Variants in PTPRR observed in about 807,000 individuals in gnomAD.
PTPRR encodes receptor-type tyrosine-protein phosphatase R.
PTPRR carries 38 observed loss-of-function variants against 77.2 expected under a neutral mutation model. The observed-to-expected ratio is 0.49, with a 90% confidence interval of 0.38 to 0.65. PTPRR has a LOEUF of 0.65. PTPRR is among the 30% of genes least tolerant of loss of function. The pLI is 0.00. For missense variants in PTPRR, 744 were observed against 799.2 expected (o/e 0.93, Z 0.83); for synonymous variants, 299 against 283.1 (o/e 1.06, Z -0.57).
intron 1 of PTPRR, among the ~76,000 whole-genome samples, chr12:70,893,887 G>A (rs988899791): frequency 6.6e-6 from 1 of 151,806 alleles, no homozygotes. Context: ...AAGTATCTTT[G>A]TTAGAGCAAT....
In PTPRR at chr12:70,711,367, A is replaced by G. The variant is rs564962185; in HGVS notation, c.1008-10044T>C. Among the ~76,000 whole-genome samples the G allele has an allele frequency of 2.0e-5, 3 of 152,278 alleles. No homozygotes were observed. The South Asian group carries it at 6.2e-4, about 32-fold the overall frequency. On this transcript the variant is annotated intron_variant, in intron 6 of 13. Coordinates refer to ENST00000283228, the MANE Select transcript of PTPRR (RefSeq NM_002849.4). ...AGAACACATGGATATGTAGAGGGGA[A>G]AAACACACACTGGAGCCTATTGGAG... is the stretch of plus-strand genomic sequence containing the variant.
intron 4 of PTPRR, among the ~76,000 whole-genome samples, chr12:70,758,130 A>G (rs1194687170): frequency 1.3e-5 from 2 of 152,222 alleles, no homozygotes; most frequent in Non-Finnish European, 2.9e-5. Context: ...CCTTCATGAT[A>G]TGCTCCTTAT....
chr12:70,914,497 G>C (rs1893746070), intron 1 of PTPRR, among the ~76,000 whole-genome samples: 1 of 152,198 alleles, frequency 6.6e-6, no homozygotes, highest in Non-Finnish European at 1.5e-5. Context: ...CATCTTATGA[G>C]AAGAGTTTGA....
intron 2 of PTPRR, among the ~76,000 whole-genome samples, chr12:70,867,373 A>C (rs1178605684): frequency 2.0e-5 from 3 of 151,984 alleles, no homozygotes; most frequent in South Asian, 4.1e-4. Flanking sequence ...TACAAAAATC[A>C]CAAGCATTCT....
At chr12:70,681,893 G>A (rs141458379) in intron 10 of PTPRR, among the ~76,000 whole-genome samples, 3,077 of 152,074 alleles carry the variant, frequency 0.02, 59 homozygotes, top group Admixed American at 0.038. Flanking sequence ...TTCACTTGGT[G>A]TTTCTTGATT....
intron 6 of PTPRR, among the ~76,000 whole-genome samples, chr12:70,729,085 G>A (rs1408692060): frequency 6.6e-6 from 1 of 151,838 alleles, no homozygotes; most frequent in East Asian, 1.9e-4. Context: ...CCTGGACCAG[G>A]GAGACTGAGA....
At chr12:70,652,855 TGGAA>T (rs1886445367) in intron 13 of PTPRR, among the ~76,000 whole-genome samples, 1 of 152,054 alleles carries the variant, frequency 6.6e-6, no homozygotes, top group Non-Finnish European at 1.5e-5. Context: ...GACTGGGAAG[TGGAA>T]CCCAAGGTGG....
chr12:70,796,886 C>T (rs577703008), intron 2 of PTPRR, among the ~76,000 whole-genome samples: 4 of 152,182 alleles, frequency 2.6e-5, no homozygotes, highest in East Asian at 1.9e-4. Context: ...GGCATGGTGG[C>T]GTGCACCTGT....
At chr12:70,823,466 T>C (rs1371033790) in intron 2 of PTPRR, among the ~76,000 whole-genome samples, 2 of 152,202 alleles carry the variant, frequency 1.3e-5, no homozygotes, top group African/African-American at 4.8e-5. Context: ...TGAAACAGTG[T>C]CAGAATTATC....
intron 10 of PTPRR, chr12:70,672,675 G>A: frequency 1.3e-6 from 2 of 1,546,138 alleles, no homozygotes; most frequent in Non-Finnish European, 1.8e-6. Flanking sequence ...ACCAGATGGT[G>A]GTCAAGACAG....
At chr12:70,884,746 C>A (rs1261599624) in intron 2 of PTPRR, among the ~76,000 whole-genome samples, 4 of 146,632 alleles carry the variant, frequency 2.7e-5, no homozygotes, top group Admixed American at 6.6e-5. Flanking sequence ...GTGGCGGGCG[C>A]CTGTAGTCCC....
chr12:70,708,845 C>T (rs914991884), intron 6 of PTPRR, among the ~76,000 whole-genome samples: 2 of 150,970 alleles, frequency 1.3e-5, no homozygotes, highest in Admixed American at 6.6e-5. Flanking sequence ...CACACACACA[C>T]GGCATTTTCT....
chr12:70,703,963 GAAAA>G (rs1220267598), intron 6 of PTPRR, among the ~76,000 whole-genome samples: 1 of 151,872 alleles, frequency 6.6e-6, no homozygotes, highest in African/African-American at 2.4e-5. Context: ...AATCTGGTAG[GAAAA>G]AAAGTGTAGG....
rs71437157 is a variant in PTPRR, at chr12:70,795,913, A to ATTTTTTTTTTTTTTTTTTTTTTTTTTTT, written c.358-31163_358-31136dup. On this transcript the variant is annotated intron_variant, in intron 2 of 13. Coordinates refer to ENST00000283228, the MANE Select transcript of PTPRR (RefSeq NM_002849.4). The stretch of plus-strand genomic sequence containing the variant: ...TATATGTTCAAAATGTATTTAGTAG[A>ATTTTTTTTTTTTTTTTTTTTTTTTTTTT]TTTTTTTTTTTTTTTTTTTTTTTTT... 2.3e-4 allele frequency among the ~76,000 whole-genome samples: 20 copies of ATTTTTTTTTTTTTTTTTTTTTTTTTTTT among 88,356 alleles called. 10 individuals carry two copies. Among genetic ancestry groups the ATTTTTTTTTTTTTTTTTTTTTTTTTTTT allele is most frequent in the Non-Finnish European group, 2.6e-4 (12 of 45,284 alleles). 58.0% of individuals were successfully genotyped at this position (88,356 alleles called of 152,430 possible). A position where few individuals can be genotyped will look rare whatever the true frequency, so the allele number is the denominator to read the frequency against.
intron 13 of PTPRR, among the ~76,000 whole-genome samples, chr12:70,641,865 G>A (rs1886015676): frequency 6.6e-6 from 1 of 152,152 alleles, no homozygotes; most frequent in African/African-American, 2.4e-5. Flanking sequence ...AGGCTCCCCT[G>A]TAGTCACACA....
At chr12:70,698,178 C>A (rs1565652950) in intron 8 of PTPRR, 87 bp downstream of exon 8, 6 of 1,124,946 alleles carry the variant, frequency 5.3e-6, no homozygotes, top group Non-Finnish European at 7.9e-6. Context: ...CATCCATCAA[C>A]CCATCATCTA....
rs548431354 is a variant in PTPRR at position 70,847,749 on chromosome 12, T to G, written c.357+44930A>C. Among the ~76,000 whole-genome samples the G allele has an allele frequency of 3.3e-5, 5 of 152,226 alleles. No individual in the cohort carries two copies. In the South Asian group the frequency reaches 8.3e-4, roughly 25 times the overall value. ...AGAGGGAATTTTTAAACTTCAAAAT[T>G]TTGTGGCTCTAAGCACCAGATGGAC... is the stretch of plus-strand genomic sequence containing the variant. On this transcript the variant is annotated intron_variant, in intron 2 of 13. Transcript: ENST00000283228.
chr12:70,645,772 C>T (rs922877790), intron 13 of PTPRR, among the ~76,000 whole-genome samples: 3 of 152,010 alleles, frequency 2.0e-5, no homozygotes, highest in Non-Finnish European at 4.4e-5. Flanking sequence ...TCTCAGTCTC[C>T]GTGCAGAACA....
intron 2 of PTPRR, among the ~76,000 whole-genome samples, chr12:70,788,016 G>T (rs934251310): frequency 1.3e-5 from 2 of 152,082 alleles, no homozygotes; most frequent in Admixed American, 6.6e-5. Context: ...ACAATGCCTA[G>T]AACACAGTGG....
Sources: gnomAD v4.1 joint callset for allele counts (sites outside exome capture counted in the v4.1 genomes callset) on GRCh38, gnomAD v4.1.1 for gene constraint, MANE v1.5 for transcripts, NCBI Gene and HGNC (gene_info 2026-07-23, HGNC 2026-07-21) for gene names.